Variants in LYRM4 observed in about 807,000 individuals in gnomAD.
LYRM4 encodes LYR motif-containing protein 4.
In LYRM4, 9 loss-of-function variants were observed where a neutral mutation model predicts 11.7. The observed-to-expected ratio is 0.77, with a 90% confidence interval of 0.46 to 1.34. LYRM4 has a LOEUF of 1.34. Ranked by LOEUF, LYRM4 falls within the 40% of genes most tolerant of loss-of-function variation. The pLI is 0.00. For synonymous variants in LYRM4, 42 were observed against 40.4 expected, an observed-to-expected ratio of 1.04 and a Z score of -0.15; for missense variants, 133 against 112.5, an observed-to-expected ratio of 1.18 and a Z score of -0.82.
At chr6:5,214,917 C>CGG (rs1762186192) in intron 2 of LYRM4, among the ~76,000 whole-genome samples, 1 of 151,550 alleles carries the variant, frequency 6.6e-6, no homozygotes, top group Admixed American at 6.7e-5. Flanking sequence ...TATTCTCCAT[C>CGG]GGGAACGTGC....
At chr6:5,138,653 A>AAC in intron 2 of LYRM4, 1 of 1,341,536 alleles carries the variant, frequency 7.5e-7, no homozygotes, top group Non-Finnish European at 1.0e-6. Context: ...AAGGAATTCT[A>AAC]ACATGCTCCC....
intron 1 of LYRM4, among the ~76,000 whole-genome samples, chr6:5,238,543 G>A (rs1486147994): frequency 1.3e-5 from 2 of 152,146 alleles, no homozygotes; most frequent in African/African-American, 4.8e-5. Context: ...GTAAGTCCAG[G>A]GGCCTTGTAA....
At chr6:5,259,391 A>G (rs1370641628) in intron 1 of LYRM4, among the ~76,000 whole-genome samples, 4 of 152,240 alleles carry the variant, frequency 2.6e-5, no homozygotes, top group African/African-American at 9.6e-5. Context: ...TCCAAAGTCA[A>G]AGTCATTAAG....
intron 2 of LYRM4, among the ~76,000 whole-genome samples, chr6:5,117,336 C>T: frequency 6.6e-6 from 1 of 152,310 alleles, no homozygotes; most frequent in Non-Finnish European, 1.5e-5. Context: ...GTGGGTGGAT[C>T]ACGAGGTCAA....
chr6:5,058,495 G>A, the LYRM4 span, among the ~76,000 whole-genome samples: 10 of 152,130 alleles, frequency 6.6e-5, no homozygotes, highest in African/African-American at 2.2e-4. Flanking sequence ...TTCTGCACCC[G>A]CCACACAGTG....
chr6:5,117,145 A>G (rs1763154764), intron 2 of LYRM4, among the ~76,000 whole-genome samples: 1 of 152,220 alleles, frequency 6.6e-6, no homozygotes, highest in African/African-American at 2.4e-5. Flanking sequence ...GGGCCCAAAC[A>G]TATGAAATGT....
intron 1 of LYRM4, among the ~76,000 whole-genome samples, chr6:5,231,081 A>C (rs13198413): frequency 0.028 from 4,287 of 152,308 alleles, 91 homozygotes; most frequent in Non-Finnish European, 0.039. Flanking sequence ...GTTCGAGAAC[A>C]GTCTGGCCAA....
chr6:5,121,486 C>T (rs1042409102), intron 2 of LYRM4, among the ~76,000 whole-genome samples: 11 of 152,200 alleles, frequency 7.2e-5, no homozygotes, highest in Non-Finnish European at 1.5e-4. Context: ...TGGATACAAA[C>T]AGTGCCAGCC....
intron 1 of LYRM4, chr6:5,240,772 C>T (rs980471333): frequency 1.3e-5 from 2 of 152,224 alleles, no homozygotes; most frequent in Non-Finnish European, 2.9e-5. Context: ...AAAGAGTCCA[C>T]ATGCTGACCT....
the LYRM4 span, among the ~76,000 whole-genome samples, chr6:5,079,999 G>A: frequency 6.6e-6 from 1 of 152,258 alleles, no homozygotes; most frequent in East Asian, 1.9e-4. Flanking sequence ...ATTGAACTCT[G>A]GTTCTATTAC....
At chr6:5,115,972 A>C (rs916461201) in intron 2 of LYRM4, among the ~76,000 whole-genome samples, 2 of 152,196 alleles carry the variant, frequency 1.3e-5, no homozygotes, top group South Asian at 2.1e-4. Context: ...GACTGAGGGG[A>C]GGAGGGAGAA....
chr6:5,139,907 G>A (rs142923047), intron 2 of LYRM4, among the ~76,000 whole-genome samples: 1,965 of 147,562 alleles, frequency 0.013, 22 homozygotes, highest in Non-Finnish European at 0.02. Context: ...GTGTGATCAC[G>A]GCTCACTGCA....
chr6:5,067,605 TG>T, the LYRM4 span, among the ~76,000 whole-genome samples: 1 of 152,206 alleles, frequency 6.6e-6, no homozygotes, highest in South Asian at 2.1e-4. Context: ...AGCCTCCTGT[TG>T]GTTACATGGG....
intron 2 of LYRM4, among the ~76,000 whole-genome samples, chr6:5,203,248 G>C (rs1358926521): frequency 1.3e-5 from 2 of 152,180 alleles, no homozygotes; most frequent in Non-Finnish European, 2.9e-5. Context: ...CTGAAGCTCT[G>C]ATTAGGCATA....
intron 2 of LYRM4, among the ~76,000 whole-genome samples, chr6:5,144,785 C>T (rs535956087): frequency 2.6e-5 from 4 of 152,308 alleles, no homozygotes; most frequent in Non-Finnish European, 5.9e-5. Flanking sequence ...TGCAGTGCGG[C>T]GCTCACTCCC....
chr6:5,199,966 T>C (rs1393717292), intron 2 of LYRM4, among the ~76,000 whole-genome samples: 1 of 152,224 alleles, frequency 6.6e-6, no homozygotes, highest in Non-Finnish European at 1.5e-5. Context: ...CTAGAGCATA[T>C]TCATAACAAC....
intron 1 of LYRM4, among the ~76,000 whole-genome samples, chr6:5,258,029 G>C (rs1764765509): frequency 6.6e-6 from 1 of 152,174 alleles, no homozygotes; most frequent in Non-Finnish European, 1.5e-5. Context: ...CTTGAAGGAA[G>C]AGGGGGCACT....
At chr6:5,078,825 C>T in the LYRM4 span, among the ~76,000 whole-genome samples, 1 of 152,090 alleles carries the variant, frequency 6.6e-6, no homozygotes, top group Non-Finnish European at 1.5e-5. Flanking sequence ...CAGTTAAGCC[C>T]CTGAAAAATC....
At chr6:5,085,447 C>T in the LYRM4 span, 1 of 1,441,704 alleles carries the variant, frequency 6.9e-7, no homozygotes, top group Non-Finnish European at 9.3e-7. Flanking sequence ...TCCAGAGGGG[C>T]CCGGTTCGGC....
Sources: gnomAD v4.1 joint callset for allele counts (sites outside exome capture counted in the v4.1 genomes callset) on GRCh38, gnomAD v4.1.1 for gene constraint, MANE v1.5 for transcripts, NCBI Gene and HGNC (gene_info 2026-07-23, HGNC 2026-07-21) for gene names.